Variants in CYB5B observed in about 807,000 individuals in gnomAD.
CYB5B encodes cytochrome b5 type B (outer mitochondrial membrane).
CYB5B carries 14 observed loss-of-function variants against 21.3 expected under a neutral mutation model. The ratio of observed to expected loss-of-function variants is 0.66; its 90% CI spans 0.43 to 1.03. The LOEUF (loss-of-function observed/expected upper bound fraction) is 1.03, where lower values mean the gene tolerates loss of function less well. Among genes scored for constraint, CYB5B ranks in the 50% least tolerant of loss-of-function variants. CYB5B has a pLI of 0.00. For missense variants in CYB5B, 166 were observed against 185.1 expected, an observed-to-expected ratio of 0.90 and a Z score of 0.60; for synonymous variants, 69 against 68.4, an observed-to-expected ratio of 1.01 and a Z score of -0.04.
chr16:69,424,669 C>T lies in CYB5B; in HGVS notation c.-15C>T, dbSNP rs2014622100. The stretch of plus-strand genomic sequence containing the variant: ...AAAGTAGTCGCGGAATCTCAGTTAG[C>T]GGTGGAGAGGCAGTATGTCCGGTTC... On this transcript the variant is annotated 5_prime_UTR_variant, in exon 1 of 5. Coordinates refer to ENST00000307892, the MANE Select transcript of CYB5B (RefSeq NM_030579.3). The T allele has an allele frequency of 3.3e-6, 5 of 1,523,182 alleles. No individual in the cohort carries two copies. The highest frequency in any genetic ancestry group is 1.4e-5 in the African/African-American group (1 of 71,098). 94.4% of individuals were successfully genotyped at this position (1,523,182 alleles called of 1,614,324 possible).
chr16:69,426,091 C>T (rs1002360196), intron 1 of CYB5B, among the ~76,000 whole-genome samples: 3 of 152,146 alleles, frequency 2.0e-5, no homozygotes, highest in African/African-American at 7.2e-5. Flanking sequence ...TGGTGTATGG[C>T]ATTTTATGCT....
At chr16:69,443,511 G>C (rs1344827474) in intron 1 of CYB5B, 1 of 158,650 alleles carries the variant, frequency 6.3e-6, no homozygotes, top group Non-Finnish European at 1.4e-5. Flanking sequence ...AGCTCATTCA[G>C]GGTGGATCTA....
chr16:69,445,507 A>T (rs1430585330), intron 1 of CYB5B, among the ~76,000 whole-genome samples: 4 of 152,240 alleles, frequency 2.6e-5, no homozygotes, highest in East Asian at 1.9e-4. Flanking sequence ...AAAAGTAAAA[A>T]GCATTAATAT....
At chr16:69,459,210 T>G in intron 4 of CYB5B, 89 bp downstream of exon 4, 1 of 1,472,488 alleles carries the variant, frequency 6.8e-7, no homozygotes. Flanking sequence ...ACATAACTTA[T>G]GAGTGCAGTT....
chr16:69,447,075 A>G (rs760880317), intron 1 of CYB5B, 75 bp from the exon 2 acceptor site: 1 of 1,522,534 alleles, frequency 6.6e-7, no homozygotes, highest in Non-Finnish European at 8.9e-7. Flanking sequence ...GAAAGGAAGA[A>G]GGGGGTATGG....
At chr16:69,432,190 C>T (rs1213516517) in intron 1 of CYB5B, among the ~76,000 whole-genome samples, 1 of 152,120 alleles carries the variant, frequency 6.6e-6, no homozygotes. Context: ...AATAGAAAAC[C>T]ACTGACATGT....
chr16:69,424,893 T>A, intron 1 of CYB5B, 36 bp downstream of exon 1: 3 of 1,511,924 alleles, frequency 2.0e-6, no homozygotes, highest in Non-Finnish European at 2.7e-6. Context: ...CTGAAGCTGC[T>A]GGGGCGAGGG....
chr16:69,442,623 C>T (rs2014835783), intron 1 of CYB5B, among the ~76,000 whole-genome samples: 2 of 151,626 alleles, frequency 1.3e-5, no homozygotes, highest in Admixed American at 1.3e-4. Context: ...CTGGATGATC[C>T]TCCTAATTCA....
chr16:69,454,047 T>G (rs2014960172), intron 3 of CYB5B, among the ~76,000 whole-genome samples: 1 of 152,198 alleles, frequency 6.6e-6, no homozygotes, highest in African/African-American at 2.4e-5. Context: ...AAAACAGGGT[T>G]CAGAAGGGTA....
chr16:69,462,405 T>C (rs759331289), intron 4 of CYB5B, 25 bp from the exon 5 acceptor site: 3 of 1,559,028 alleles, frequency 1.9e-6, no homozygotes, highest in East Asian at 2.2e-5. Context: ...TTAACAACTT[T>C]ATTGCTTTCT....
intron 1 of CYB5B, among the ~76,000 whole-genome samples, 159 bp from the exon 2 acceptor site, chr16:69,446,991 T>G (rs1034079906): frequency 6.6e-6 from 1 of 152,240 alleles, no homozygotes; most frequent in Non-Finnish European, 1.5e-5. Context: ...ACAGAAGTTA[T>G]GCTGTGTTCT....
chr16:69,425,041 A>C (rs1408083923), intron 1 of CYB5B, among the ~76,000 whole-genome samples, 184 bp downstream of exon 1: 2 of 152,220 alleles, frequency 1.3e-5, no homozygotes, highest in Non-Finnish European at 2.9e-5. Flanking sequence ...ATGCATTTCC[A>C]GTCAGCTCCG....
At chr16:69,435,836 C>A (rs28472320) in intron 1 of CYB5B, among the ~76,000 whole-genome samples, 26,229 of 151,866 alleles carry the variant, frequency 0.17, 2,382 homozygotes, top group Middle Eastern at 0.25. Context: ...ACAGGGTTTC[C>A]CCATGTTGGT....
chr16:69,442,050 G>A (rs1372831558), intron 1 of CYB5B, among the ~76,000 whole-genome samples: 2 of 152,036 alleles, frequency 1.3e-5, no homozygotes, highest in African/African-American at 4.8e-5. Context: ...CTTATCTATA[G>A]TTTCTAAATT....
intron 2 of CYB5B, 115 bp from the exon 3 acceptor site, chr16:69,448,000 A>C (rs1399228858): frequency 1.9e-6 from 2 of 1,075,458 alleles, no homozygotes; most frequent in Non-Finnish European, 2.7e-6. Flanking sequence ...CAAATCTCCC[A>C]GGGAATTCAC....
chr16:69,439,922 G>A (rs140060433), intron 1 of CYB5B, among the ~76,000 whole-genome samples: 2,961 of 152,180 alleles, frequency 0.019, 49 homozygotes, highest in Non-Finnish European at 0.026. Flanking sequence ...AGGCTCGAGT[G>A]CAGTGGTGTG....
intron 1 of CYB5B, among the ~76,000 whole-genome samples, chr16:69,440,874 G>A (rs1010393799): frequency 2.6e-5 from 4 of 151,578 alleles, no homozygotes; most frequent in Non-Finnish European, 5.9e-5. Context: ...GTCCAGGATG[G>A]TCATGAACTC....
rs372677944 is a variant in CYB5B, at chr16:69,448,121, C to G, written c.310C>G (p.Leu104Val). The part of the protein sequence containing the change: ...YYIGDIHPSD[L>V]KPESGSKDPS... ...GTTTTCCTTTTTTTGACAGAGTGACCTTAAACCTGAAAGTGGTAGCAAGGT... is the reference window on the plus strand; with the variant it reads ...GTTTTCCTTTTTTTGACAGAGTGACGTTAAACCTGAAAGTGGTAGCAAGGT... Residue 104 changes from leucine to valine, a missense_variant, in exon 3 of 5, where the codon CTT becomes GTT. By Grantham distance (32) the Leu-to-Val change is conservative. Transcript: ENST00000307892. 1.8e-5 allele frequency: 29 copies of G among 1,611,994 alleles called. No individual in the cohort carries two copies. The highest frequency in any genetic ancestry group is 1.7e-4 in the Middle Eastern group (1 of 6,058).
At chr16:69,460,933 T>A (rs1000313561) in intron 4 of CYB5B, among the ~76,000 whole-genome samples, 5 of 152,366 alleles carry the variant, frequency 3.3e-5, no homozygotes, top group African/African-American at 1.2e-4. Context: ...ATAAATGTAT[T>A]TCCTCTGGTT....
Sources: allele counts gnomAD v4.1 joint callset (sites outside exome capture counted in the v4.1 genomes callset), GRCh38; gene constraint gnomAD v4.1.1; transcripts MANE v1.5; gene names NCBI Gene and HGNC (gene_info 2026-07-23, HGNC 2026-07-21).